ZFHX4: variants seen among roughly 807,000 people sequenced by gnomAD.
ZFHX4 encodes zinc finger homeobox 4.
In ZFHX4, 56 loss-of-function variants were observed where a neutral mutation model predicts 267.6. The ratio of observed to expected loss-of-function variants is 0.21; its 90% CI spans 0.17 to 0.26. The LOEUF is 0.26. ZFHX4 is among the 10% of genes least tolerant of loss of function. The pLI, the probability that ZFHX4 is intolerant of heterozygous loss-of-function variation, is 1.00. For synonymous variants in ZFHX4, 1,778 were observed against 1,665.6 expected, an observed-to-expected ratio of 1.07 and a Z score of -1.64; for missense variants, 4,332 against 4,420.0, an observed-to-expected ratio of 0.98 and a Z score of 0.56.
intron 3 of ZFHX4, among the ~76,000 whole-genome samples, chr8:76,721,486 C>A (rs992408956): frequency 1.3e-5 from 2 of 152,158 alleles, no homozygotes; most frequent in East Asian, 3.8e-4. Flanking sequence ...TCCCCGTCCT[C>A]AAGAAGCTCA....
intron 3 of ZFHX4, among the ~76,000 whole-genome samples, chr8:76,743,843 A>G (rs987595152): frequency 3.3e-5 from 5 of 152,196 alleles, no homozygotes; most frequent in African/African-American, 7.2e-5. Context: ...TGATGCATCA[A>G]TGTTATTCTG....
chr8:76,844,858 A>C (rs1812326987), intron 6 of ZFHX4, among the ~76,000 whole-genome samples: 1 of 152,110 alleles, frequency 6.6e-6, no homozygotes, highest in Admixed American at 6.6e-5. Flanking sequence ...ACTAACATGA[A>C]CATTTAACAA....
At chr8:76,757,875 C>T (rs113811936) in intron 3 of ZFHX4, among the ~76,000 whole-genome samples, 8 of 152,254 alleles carry the variant, frequency 5.3e-5, no homozygotes, top group Admixed American at 2.6e-4. Context: ...CCTCCACATA[C>T]GGCAGCCCTG....
intron 4 of ZFHX4, among the ~76,000 whole-genome samples, chr8:76,806,396 C>G (rs1173517611): frequency 6.6e-6 from 1 of 152,052 alleles, no homozygotes; most frequent in Admixed American, 6.6e-5. Flanking sequence ...TTCTCCAAAG[C>G]CTGCTGTGAG....
In ZFHX4 at chr8:76,778,368, A is replaced by C. The variant is rs1253899173; in HGVS notation, c.3254A>C (p.Gln1085Pro). Residue 1085 changes from glutamine (Q) to proline (P), a missense_variant, in exon 4 of 11, where the codon CAA becomes CCA. Gln to Pro is a moderately conservative substitution (Grantham distance 76, BLOSUM62 -1). Transcript: ENST00000651372. ...EGLRKLQLHQ[Q>P]GLAPEEDNLS... is the part of the protein sequence containing the mutation. Reference sequence around the variant, plus strand: ...CTACGGAAGCTCCAGCTCCACCAGCAAGGCCTGGCACCAGAGGAGGACAAC... The same window carrying C: ...CTACGGAAGCTCCAGCTCCACCAGCCAGGCCTGGCACCAGAGGAGGACAAC... 2 of 1,613,922 alleles carry C rather than the reference A, an allele frequency of 1.2e-6. No individual in the cohort carries two copies.
At chr8:76,821,638 G>A (rs780002572) in intron 4 of ZFHX4, among the ~76,000 whole-genome samples, 3 of 151,586 alleles carry the variant, frequency 2.0e-5, no homozygotes, top group Admixed American at 6.6e-5. Context: ...GGAGGAAATC[G>A]TGGGACTCTT....
At chr8:76,772,758 C>A (rs1261500557) in intron 3 of ZFHX4, among the ~76,000 whole-genome samples, 1 of 152,114 alleles carries the variant, frequency 6.6e-6, no homozygotes, top group Non-Finnish European at 1.5e-5. Flanking sequence ...TGTACTTCAT[C>A]CTCTCCAGCC....
intron 1 of ZFHX4, among the ~76,000 whole-genome samples, chr8:76,695,404 A>G (rs906450197): frequency 3.3e-5 from 5 of 152,236 alleles, no homozygotes; most frequent in African/African-American, 9.6e-5. Context: ...CAGAAAGATA[A>G]TATTGGAGTA....
intron 4 of ZFHX4, among the ~76,000 whole-genome samples, chr8:76,823,762 CAT>C (rs1811714291): frequency 6.6e-6 from 1 of 152,088 alleles, no homozygotes; most frequent in African/African-American, 2.4e-5. Flanking sequence ...TGGTAAAAAA[CAT>C]TATCTAGTTA....
chr8:76,781,919 T>C (rs574531294), intron 4 of ZFHX4, among the ~76,000 whole-genome samples: 136 of 152,166 alleles, frequency 8.9e-4, no homozygotes, highest in African/African-American at 3.2e-3. Context: ...TAGCCTTCAA[T>C]TGAATTCCAT....
chr8:76,798,273 T>C (rs1563528686), intron 4 of ZFHX4, among the ~76,000 whole-genome samples: 1 of 152,128 alleles, frequency 6.6e-6, no homozygotes, highest in African/African-American at 2.4e-5. Flanking sequence ...ACTTCACTGG[T>C]GAGTAATTGC....
chr8:76,771,762 T>G (rs1415464800), intron 3 of ZFHX4, among the ~76,000 whole-genome samples: 1 of 152,152 alleles, frequency 6.6e-6, no homozygotes, highest in Non-Finnish European at 1.5e-5. Context: ...CCGAATTGAT[T>G]AGAATGAATG....
intron 7 of ZFHX4, among the ~76,000 whole-genome samples, 170 bp downstream of exon 7, chr8:76,849,298 T>C (rs962191446): frequency 3.3e-5 from 5 of 152,178 alleles, no homozygotes; most frequent in Admixed American, 2.6e-4. Context: ...ATACATTAAC[T>C]ATGTTGAAAT....
At position 76,794,058 on chromosome 8, in the gene ZFHX4, A is replaced by G. The variant is rs186585976; in HGVS notation, c.3325+15619A>G. Among the ~76,000 whole-genome samples, 50 of 152,224 alleles carry G rather than the reference A, an allele frequency of 3.3e-4. 1 individual carries two copies. In the East Asian group the frequency reaches 5.6e-3, roughly 17 times the overall value. ...CATTTTAAGTATTTTATCTTAACAGAACTTTTTTATTTTTTTGGTGATGTT... is the reference window on the plus strand; with the variant it reads ...CATTTTAAGTATTTTATCTTAACAGGACTTTTTTATTTTTTTGGTGATGTT... On this transcript the variant is annotated intron_variant, in intron 4 of 10. Coordinates refer to ENST00000651372, the MANE Select transcript of ZFHX4 (RefSeq NM_024721.5).
At chr8:76,834,838 T>C (rs1812028154) in intron 5 of ZFHX4, among the ~76,000 whole-genome samples, 1 of 152,034 alleles carries the variant, frequency 6.6e-6, no homozygotes, top group African/African-American at 2.4e-5. Flanking sequence ...GTCATCCAGA[T>C]TTTCCCTTAT....
At chr8:76,850,210 G>A (rs368242657) in intron 8 of ZFHX4, 35 bp from the exon 9 acceptor site, 15 of 1,506,360 alleles carry the variant, frequency 1.0e-5, no homozygotes, top group African/African-American at 5.5e-5. Context: ...TGATTTCTGG[G>A]GTACATTTAA....
chr8:76,835,241 GTATATA>G (rs144954045), intron 5 of ZFHX4, among the ~76,000 whole-genome samples: 7 of 42,648 alleles, frequency 1.6e-4, no homozygotes, highest in Admixed American at 1.0e-3. Context: ...ATATATATAT[GTATATA>G]TATATATATA....
intron 4 of ZFHX4, among the ~76,000 whole-genome samples, chr8:76,824,576 T>G (rs1182310093): frequency 5.9e-5 from 9 of 152,158 alleles, no homozygotes; most frequent in African/African-American, 2.2e-4. Flanking sequence ...TAGTTTATTT[T>G]TATTTTCATT....
intron 4 of ZFHX4, among the ~76,000 whole-genome samples, chr8:76,801,674 G>A (rs1036871619): frequency 4.6e-5 from 7 of 152,076 alleles, no homozygotes; most frequent in South Asian, 2.1e-4. Flanking sequence ...TTCATTTGGC[G>A]TTGCTGTAAA....
Sources: allele counts gnomAD v4.1 joint callset (sites outside exome capture counted in the v4.1 genomes callset), GRCh38; gene constraint gnomAD v4.1.1; transcripts MANE v1.5; gene names NCBI Gene and HGNC (gene_info 2026-07-23, HGNC 2026-07-21).